The following LRRD1 variants were observed in gnomAD, a reference collection of about 807,000 sequenced individuals.
LRRD1 encodes the protein leucine rich repeats and death domain containing 1, also known as leucine-rich repeat and death domain-containing protein 1.
LRRD1 carries 49 observed loss-of-function variants against 69.5 expected under a neutral mutation model. The ratio of observed to expected loss-of-function variants is 0.70; its 90% CI spans 0.56 to 0.89. The LOEUF is 0.89. Among genes scored for constraint, LRRD1 ranks in the 40% least tolerant of loss-of-function variants. LRRD1 has a pLI of 0.00. For synonymous variants in LRRD1, 303 were observed against 338.9 expected (o/e 0.89, Z 1.16); for missense variants, 853 against 956.0 (o/e 0.89, Z 1.42).
chr7:92,148,623 G>A (rs1820390624), intron 4 of LRRD1, among the ~76,000 whole-genome samples: 1 of 152,156 alleles, frequency 6.6e-6, no homozygotes, highest in Non-Finnish European at 1.5e-5. Flanking sequence ...CTCCTTGGGT[G>A]TAGGGAAAGG....
At chr7:92,156,591 T>A (rs920498853) in intron 3 of LRRD1, among the ~76,000 whole-genome samples, 2 of 152,224 alleles carry the variant, frequency 1.3e-5, no homozygotes, top group African/African-American at 4.8e-5. Context: ...TTCCAATCAT[T>A]TCTTGCTAGT....
intron 3 of LRRD1, among the ~76,000 whole-genome samples, chr7:92,156,461 A>C (rs1788660011): frequency 6.6e-6 from 1 of 152,156 alleles, no homozygotes; most frequent in African/African-American, 2.4e-5. Context: ...CTCTCTACTT[A>C]TTTAGGTTTA....
chr7:92,165,562 T>C (rs1788888768), intron 1 of LRRD1, among the ~76,000 whole-genome samples: 1 of 151,918 alleles, frequency 6.6e-6, no homozygotes, highest in Non-Finnish European at 1.5e-5. Flanking sequence ...GCAAATTTCA[T>C]GGAAAACATA....
chr7:92,165,547 A>C (rs551808914), intron 1 of LRRD1, among the ~76,000 whole-genome samples: 30 of 152,246 alleles, frequency 2.0e-4, no homozygotes, highest in African/African-American at 7.0e-4. Flanking sequence ...GACTGAGAGG[A>C]TTCAGCAAAT....
At chr7:92,143,495 A>G (rs1820226500), downstream of LRRD1, among the ~76,000 whole-genome samples, 1 of 152,172 alleles carries the variant, frequency 6.6e-6, no homozygotes, top group Non-Finnish European at 1.5e-5. Context: ...GGTGGGCTGC[A>G]GGTCCCGAGC....
Position 92,164,562 on chromosome 7 carries a change from C to T in LRRD1, c.641G>A (p.Arg214Lys). 6.4e-7 allele frequency: 1 copy of T among 1,550,440 alleles called. No individual in the cohort carries two copies. The highest frequency in any genetic ancestry group is 8.7e-7 in the Non-Finnish European group (1 of 1,146,070). ...GTGGTTATGACTGACATTTAATATCCTTAAATTATGAAGTAACTGAATTTC... is the reference window on the plus strand; with the variant it reads ...GTGGTTATGACTGACATTTAATATCTTTAAATTATGAAGTAACTGAATTTC... ...PSEIQLLHNLRILNVSHNHIS... is the reference protein window; with the variant it reads ...PSEIQLLHNLKILNVSHNHIS... Residue 214 changes from arginine to lysine, a missense_variant, in exon 2 of 6, where the codon AGG (arginine) becomes AAG (lysine). Arg to Lys is a conservative substitution (Grantham distance 26). Coordinates refer to ENST00000458448, the MANE Select transcript of LRRD1 (RefSeq NM_001161528.2).
chr7:92,157,140 C>G (rs1788677341), intron 3 of LRRD1, among the ~76,000 whole-genome samples: 1 of 150,774 alleles, frequency 6.6e-6, no homozygotes, highest in African/African-American at 2.4e-5. Context: ...AAGCAATCCT[C>G]CTGCCTATGT....
Position 92,164,440 on chromosome 7 carries a change from A to G in LRRD1, c.763T>C (p.Cys255Arg). The G allele has an allele frequency of 6.5e-7, 1 of 1,549,996 alleles. No homozygotes were observed. Among genetic ancestry groups the G allele is most frequent in the Non-Finnish European group, 8.7e-7 (1 of 1,146,400 alleles). ...YIENFPSDLECLGNLEILSLG... is the reference protein window; with the variant it reads ...YIENFPSDLERLGNLEILSLG... ...CTTAAAATTTCCAAGTTTCCAAGAC[A>G]TTCTAAGTCAGAAGGAAAATTTTCA... is the stretch of plus-strand genomic sequence containing the variant. The change falls in exon 2 of 6, where the codon TGT (cysteine) becomes CGT (arginine). Residue 255 changes from cysteine to arginine, a missense_variant. By Grantham distance (180) the Cys-to-Arg change is radical. Coordinates refer to ENST00000458448, the MANE Select transcript of LRRD1 (RefSeq NM_001161528.2).
chr7:92,153,982 G>A (rs1045109353), intron 3 of LRRD1, among the ~76,000 whole-genome samples: 4 of 148,700 alleles, frequency 2.7e-5, no homozygotes, highest in Non-Finnish European at 4.5e-5. Flanking sequence ...GATTACAGGC[G>A]CCTGCCACCA....
chr7:92,150,621 G>A lies in LRRD1; in HGVS notation c.2191C>T (p.Pro731Ser). ...ATTTCCACTGGAGGTCTCAGCAAAG[G>A]GTTGTCATCAAAATTTATCTCCTTC... ...SLKEINFDDNPLLRPPVEICK... is the reference protein window; with the variant it reads ...SLKEINFDDNSLLRPPVEICK... Residue 731 changes from proline to serine, a missense_variant, in exon 4 of 6, where the codon CCT becomes TCT. This residue lies in a region of LRRD1 where 739 missense variants were observed against 808.0 expected (regional missense o/e 0.91). Transcript: ENST00000458448. 1 of 1,551,036 alleles carries A rather than the reference G, an allele frequency of 6.4e-7. No individual in the cohort carries two copies. Among genetic ancestry groups the A allele is most frequent in the Non-Finnish European group, 8.7e-7 (1 of 1,146,452 alleles).
intron 1 of LRRD1, among the ~76,000 whole-genome samples, chr7:92,169,013 G>A (rs1206993723): frequency 6.6e-6 from 1 of 152,072 alleles, no homozygotes; most frequent in Non-Finnish European, 1.5e-5. Context: ...CTGCCTCCTG[G>A]GTTCAAGCAA....
In LRRD1 at chr7:92,145,062, TAATG is replaced by T; in HGVS notation, c.2405_2408del (p.Ser802Ter). On this transcript the variant is annotated frameshift_variant, in exon 6 of 6. Transcript: ENST00000458448. LOFTEE classifies it high-confidence loss of function. Reference sequence around the variant, plus strand: ...CAAGTGCTTGGTGGGCTCTCTCACTTAATGAAACAGTGCTGAAAAACATTATTAA... The same window carrying T: ...CAAGTGCTTGGTGGGCTCTCTCACTTAAACAGTGCTGAAAAACATTATTAA... The T allele has an allele frequency of 6.8e-7, 1 of 1,467,118 alleles. No homozygotes were observed. Among genetic ancestry groups the T allele is most frequent in the Non-Finnish European group, 9.1e-7 (1 of 1,099,662 alleles). The allele number at this position is 1,467,118 out of a possible 1,614,324, so 90.9% of individuals were successfully genotyped here. A position where few individuals can be genotyped will look rare whatever the true frequency, so the allele number is the denominator to read the frequency against.
intron 4 of LRRD1, among the ~76,000 whole-genome samples, chr7:92,147,466 C>T (rs1044546698): frequency 3.9e-5 from 5 of 126,856 alleles, no homozygotes; most frequent in African/African-American, 5.8e-5. Context: ...TTTTTATGTG[C>T]GTGGGTGTGT....
chr7:92,151,241 T>C (rs1193954273), intron 3 of LRRD1, among the ~76,000 whole-genome samples: 2 of 152,258 alleles, frequency 1.3e-5, no homozygotes, highest in Non-Finnish European at 2.9e-5. Context: ...TAGTCGCCTC[T>C]GGTTTGTGAT....
Position 92,165,109 on chromosome 7 carries a change from A to T in LRRD1, c.94T>A (p.Phe32Ile). The T allele has an allele frequency of 6.4e-7, 1 of 1,551,524 alleles. No homozygotes were observed. The highest frequency in any genetic ancestry group is 8.7e-7 in the Non-Finnish European group (1 of 1,146,956). The part of the protein sequence containing the change: ...SRSQSMKEPG[F>I]IKETSNLINE... ...ATCAAATTTGATGTTTCTTTAATAA[A>T]GCCAGGCTCCTTCATTGACTGTGAT... The change falls in exon 2 of 6, where the codon TTT becomes ATT. Residue 32 changes from phenylalanine to isoleucine, a missense_variant. Physicochemically the swap from Phe to Ile is conservative, Grantham distance 21 (BLOSUM62 0). Around this residue, in one of 3 missense-constraint regions of LRRD1, gnomAD observed 99 missense variants for 107.0 expected, o/e 0.92. Coordinates refer to ENST00000458448, the MANE Select transcript of LRRD1 (RefSeq NM_001161528.2).
rs1297735346 is a variant in LRRD1, at chr7:92,164,877, T to G, written c.326A>C (p.Glu109Ala). 5 of 1,551,500 alleles carry G rather than the reference T, an allele frequency of 3.2e-6. No homozygotes were observed. In the African/African-American group the frequency reaches 6.8e-5, roughly 21 times the overall value. The stretch of plus-strand genomic sequence containing the variant: ...TAGGAAGTTAACCAAAGCCTGATAT[T>G]CTGCAGTCCTCCCAGTTAGTGATGA... ...SLSSLTGRTAEYQALVNFLSH... is the reference protein window; with the variant it reads ...SLSSLTGRTAAYQALVNFLSH... Residue 109 changes from glutamate to alanine, a missense_variant, in exon 2 of 6, where the codon GAA (glutamate) becomes GCA (alanine). Around this residue, in one of 3 missense-constraint regions of LRRD1, gnomAD observed 15 missense variants for 40.9 expected, o/e 0.37. Coordinates refer to ENST00000458448, the MANE Select transcript of LRRD1 (RefSeq NM_001161528.2).
chr7:92,164,672 T>C lies in LRRD1; in HGVS notation c.531A>G (p.Lys177=). The C allele has an allele frequency of 6.4e-7, 1 of 1,551,562 alleles. No individual in the cohort carries two copies. Among genetic ancestry groups the C allele is most frequent in the Non-Finnish European group, 8.7e-7 (1 of 1,146,840 alleles). ...KYLYLDKNQI[K]TFQGADSGDL... The stretch of plus-strand genomic sequence containing the variant: ...CACCTGAGTCTGCCCCTTGAAATGT[T>C]TTGATTTGATTCTTGTCTAAATATA... Residue 177 remains lysine (K), a synonymous_variant, in exon 2 of 6, where the codon AAA becomes AAG. Transcript: ENST00000458448.
At chr7:92,176,353 T>C (rs1789195881) in intron 1 of LRRD1, among the ~76,000 whole-genome samples, 1 of 152,206 alleles carries the variant, frequency 6.6e-6, no homozygotes, top group Non-Finnish European at 1.5e-5. Context: ...CTCTTATTAG[T>C]TCTAACAACT....
At chr7:92,145,296 G>T (rs1471758524) in intron 5 of LRRD1, among the ~76,000 whole-genome samples, 1 of 152,068 alleles carries the variant, frequency 6.6e-6, no homozygotes, top group African/African-American at 2.4e-5. Context: ...TTGGGACATA[G>T]AAAGTGAATG....
Sources: gnomAD v4.1 joint callset for allele counts (sites outside exome capture counted in the v4.1 genomes callset) on GRCh38, gnomAD v4.1.1 for gene constraint, gnomAD v4.1.1 regional missense constraint, MANE v1.5 for transcripts, NCBI Gene and HGNC (gene_info 2026-07-23, HGNC 2026-07-21) for gene names.